LOC128125817: variants seen among roughly 807,000 people sequenced by gnomAD.
At chr1:41,612,779 G>A in the LOC128125817 span, among the ~76,000 whole-genome samples, 1 of 152,302 alleles carries the variant, frequency 6.6e-6, no homozygotes, top group East Asian at 1.9e-4. Context: ...AATCATCACC[G>A]TCCTAAGTGC....
the LOC128125817 span, among the ~76,000 whole-genome samples, chr1:41,597,392 A>C: frequency 6.6e-6 from 1 of 152,252 alleles, no homozygotes; most frequent in Admixed American, 6.5e-5. Context: ...TGTGGGCATA[A>C]TAATTCAGAG....
the LOC128125817 span, among the ~76,000 whole-genome samples, chr1:41,607,526 G>A: frequency 6.6e-6 from 1 of 151,304 alleles, no homozygotes; most frequent in South Asian, 2.1e-4. Context: ...TACTGTTAAG[G>A]ATACTACTGA....
At chr1:41,620,514 G>A in the LOC128125817 span, among the ~76,000 whole-genome samples, 1 of 152,058 alleles carries the variant, frequency 6.6e-6, no homozygotes, top group Non-Finnish European at 1.5e-5. Context: ...CTAGATGCCT[G>A]TACTCAGTCC....
the LOC128125817 span, among the ~76,000 whole-genome samples, chr1:41,624,612 C>G: frequency 6.6e-6 from 1 of 152,208 alleles, no homozygotes; most frequent in Non-Finnish European, 1.5e-5. Flanking sequence ...CAAGTACACT[C>G]TGAAGCTTTC....
At chr1:41,588,946 G>A in the LOC128125817 span, among the ~76,000 whole-genome samples, 1 of 152,156 alleles carries the variant, frequency 6.6e-6, no homozygotes, top group Non-Finnish European at 1.5e-5. Context: ...GCAGATGTAG[G>A]GGAACCTGCA....
At chr1:41,596,034 G>A in the LOC128125817 span, among the ~76,000 whole-genome samples, 2 of 152,180 alleles carry the variant, frequency 1.3e-5, no homozygotes, top group Admixed American at 1.3e-4. Context: ...AAGCACAGGG[G>A]GCTGGAATGT....
chr1:41,599,655 A>C, the LOC128125817 span, among the ~76,000 whole-genome samples: 3 of 152,244 alleles, frequency 2.0e-5, no homozygotes, highest in African/African-American at 7.2e-5. Flanking sequence ...AAGAAGCTTC[A>C]TCACATTGGA....
the LOC128125817 span, among the ~76,000 whole-genome samples, chr1:41,598,227 C>T: frequency 6.6e-6 from 1 of 152,184 alleles, no homozygotes; most frequent in African/African-American, 2.4e-5. Flanking sequence ...ACCCAAATTC[C>T]ACATTTGCTG....
chr1:41,590,216 G>T, the LOC128125817 span, among the ~76,000 whole-genome samples: 1 of 152,262 alleles, frequency 6.6e-6, no homozygotes, highest in African/African-American at 2.4e-5. Flanking sequence ...ACAGAAGGAT[G>T]TCTGGGCAAA....
chr1:41,597,473 C>A, the LOC128125817 span, among the ~76,000 whole-genome samples: 2 of 152,314 alleles, frequency 1.3e-5, no homozygotes, highest in South Asian at 4.1e-4. Flanking sequence ...CAGGGCTGTT[C>A]TTAGTATGTT....
At chr1:41,603,238 T>C in the LOC128125817 span, among the ~76,000 whole-genome samples, 1 of 151,938 alleles carries the variant, frequency 6.6e-6, no homozygotes, top group African/African-American at 2.4e-5. Flanking sequence ...AGCTACTTTT[T>C]TGTATCTTTA....
the LOC128125817 span, among the ~76,000 whole-genome samples, chr1:41,605,714 G>T: frequency 1.3e-5 from 2 of 152,198 alleles, no homozygotes; most frequent in South Asian, 4.1e-4. Context: ...ATCTCACCGA[G>T]CAGAAAAGGG....
chr1:41,591,520 G>C, the LOC128125817 span, among the ~76,000 whole-genome samples: 3 of 151,994 alleles, frequency 2.0e-5, no homozygotes, highest in Non-Finnish European at 4.4e-5. Context: ...TACCAACCCA[G>C]GGCACAAGCT....
chr1:41,619,798 A>G, the LOC128125817 span, among the ~76,000 whole-genome samples: 3 of 152,196 alleles, frequency 2.0e-5, no homozygotes, highest in Non-Finnish European at 4.4e-5. Flanking sequence ...CCTGGGCCTC[A>G]GTCCCCCAAC....
the LOC128125817 span, among the ~76,000 whole-genome samples, chr1:41,605,035 G>A: frequency 1.3e-5 from 2 of 151,012 alleles, no homozygotes; most frequent in African/African-American, 4.9e-5. Context: ...ATCCCAGGAG[G>A]TAGAGGCTGT....
the LOC128125817 span, among the ~76,000 whole-genome samples, chr1:41,595,654 G>A: frequency 1.3e-5 from 2 of 152,164 alleles, no homozygotes; most frequent in African/African-American, 4.8e-5. Flanking sequence ...TGCCAAAGGA[G>A]ATTAACATTT....
At chr1:41,591,892 C>T in the LOC128125817 span, among the ~76,000 whole-genome samples, 12 of 152,114 alleles carry the variant, frequency 7.9e-5, no homozygotes, top group Non-Finnish European at 1.3e-4. Context: ...ACCGACCCAA[C>T]GAGAGCGGGC....
the LOC128125817 span, among the ~76,000 whole-genome samples, chr1:41,594,336 C>T: frequency 6.6e-6 from 1 of 152,186 alleles, no homozygotes; most frequent in African/African-American, 2.4e-5. Context: ...AATTCTCCTG[C>T]CTCAGCCTCC....
At chr1:41,593,945 T>G in the LOC128125817 span, among the ~76,000 whole-genome samples, 1 of 152,130 alleles carries the variant, frequency 6.6e-6, no homozygotes, top group African/African-American at 2.4e-5. Context: ...CATGGAAGGC[T>G]CCCCTTCCAC....
Sources: gnomAD v4.1 joint callset for allele counts (sites outside exome capture counted in the v4.1 genomes callset) on GRCh38, gnomAD v4.1.1 for gene constraint, MANE v1.5 for transcripts.